PCID2: variants seen among roughly 807,000 people sequenced by gnomAD.
The protein encoded by PCID2 is PCI domain containing 2.
Under a neutral mutation model 61.3 loss-of-function variants are expected in PCID2, and 41 were observed. The observed-to-expected ratio is 0.67, with a 90% confidence interval of 0.52 to 0.87. The LOEUF is 0.87. Ranked by LOEUF, PCID2 falls within the 40% of genes least tolerant of loss-of-function variation. PCID2 has a pLI of 0.00. For missense variants in PCID2, 392 were observed against 493.4 expected (o/e 0.79, Z 1.95); for synonymous variants, 187 against 177.8 (o/e 1.05, Z -0.41).
the PCID2 span, chr13:113,170,412 G>T: frequency 6.4e-7 from 1 of 1,560,004 alleles, no homozygotes; most frequent in Non-Finnish European, 8.8e-7. Context: ...GATTTTTAAA[G>T]GTAAAGTTAA....
chr13:113,203,374 G>A (rs78715750), intron 1 of PCID2, among the ~76,000 whole-genome samples: 2 of 152,194 alleles, frequency 1.3e-5, no homozygotes, highest in African/African-American at 4.8e-5. Flanking sequence ...GGTGCAAGAC[G>A]ATTTGGGCCC....
rs758322307 is a variant in PCID2, at chr13:113,190,974, G to A, written c.365C>T (p.Ala122Val). Residue 122 changes from alanine to valine, a missense_variant and splice_region_variant, in exon 7 of 14, where the codon GCA becomes GTA. Physicochemically the swap from Ala to Val is moderately conservative, Grantham distance 64. Around this residue, in one of 3 missense-constraint regions of PCID2, gnomAD observed 155 missense variants for 164.9 expected, o/e 0.94. Transcript: ENST00000337344. Reference sequence around the variant, plus strand: ...TCCTTTCTTTACCAACTGTTGATCTGCCTAATAAAATATAAGAACTTTTAT... The same window carrying A: ...TCCTTTCTTTACCAACTGTTGATCTACCTAATAAAATATAAGAACTTTTAT... Reference protein sequence around the residue: ...ALDLRVFANNADQQLVKKGKS... With the variant: ...ALDLRVFANNVDQQLVKKGKS... 1 of 1,604,220 alleles carries A rather than the reference G, an allele frequency of 6.2e-7. No individual in the cohort carries two copies. Among genetic ancestry groups the A allele is most frequent in the South Asian group, 1.1e-5 (1 of 90,646 alleles).
chr13:113,182,391 C>T (rs1483969522), intron 9 of PCID2, among the ~76,000 whole-genome samples: 2 of 152,214 alleles, frequency 1.3e-5, no homozygotes, highest in Non-Finnish European at 2.9e-5. Flanking sequence ...TGAGAGTCTG[C>T]AATATCCCAC....
chr13:113,193,277 TA>T (rs560566712), intron 6 of PCID2, among the ~76,000 whole-genome samples: 2,690 of 146,900 alleles, frequency 0.018, 74 homozygotes, highest in African/African-American at 0.061. Context: ...CTAACCTTTT[TA>T]AAAAAAAAAA....
rs2040027359 is a variant in PCID2, at chr13:113,207,951, C to T, written c.36+648G>A. On this transcript the variant is annotated intron_variant, in intron 1 of 13. Coordinates refer to ENST00000337344, the MANE Select transcript of PCID2 (RefSeq NM_001127202.4). The stretch of plus-strand genomic sequence containing the variant: ...CCACAGTGCTGGTTCTGAAGACAGG[C>T]ATAGTTTAGTGGAAAGAATATGCGT... 3.1e-6 allele frequency: 4 copies of T among 1,297,942 alleles called. No individual in the cohort carries two copies. The African/African-American group carries it at 4.4e-5, about 14-fold the overall frequency. The allele number at this position is 1,297,942 out of a possible 1,614,324, so 80.4% of individuals were successfully genotyped here.
chr13:113,196,215 A>G lies in PCID2; in HGVS notation c.274T>C (p.Leu92=). 6.2e-7 allele frequency: 1 copy of G among 1,603,038 alleles called. No homozygotes were observed. ...KCQTVIVQSF[L]RAFQAHKEEN... ...TCTTTGTGGGCCTGGAATGCTCGCA[A>G]GAATGATGTACTGTATTAAGGAAGA... Residue 92 remains leucine (L), a synonymous_variant, in exon 5 of 14, where the codon TTG becomes CTG. Transcript: ENST00000337344.
chr13:113,165,813 G>A, the PCID2 span, among the ~76,000 whole-genome samples: 1 of 152,216 alleles, frequency 6.6e-6, no homozygotes, highest in South Asian at 2.1e-4. Context: ...TTACAGGCGT[G>A]AGCCACCACG....
At chr13:113,203,320 G>A (rs1266701603) in intron 1 of PCID2, among the ~76,000 whole-genome samples, 3 of 152,226 alleles carry the variant, frequency 2.0e-5, no homozygotes, top group Admixed American at 6.5e-5. Flanking sequence ...GCTGCTCAAC[G>A]TCACATCATA....
intron 7 of PCID2, chr13:113,186,133 A>G (rs2038091515): frequency 6.5e-6 from 1 of 153,382 alleles, no homozygotes; most frequent in Admixed American, 6.5e-5. Context: ...GCAGACACAA[A>G]AAGTACACAC....
chr13:113,167,532 T>C, the PCID2 span, among the ~76,000 whole-genome samples: 2 of 152,242 alleles, frequency 1.3e-5, no homozygotes, highest in African/African-American at 2.4e-5. Flanking sequence ...TTTGTATCCC[T>C]GGTAATATTA....
chr13:113,187,132 A>C (rs1034014296), intron 7 of PCID2: 3 of 152,210 alleles, frequency 2.0e-5, no homozygotes. Flanking sequence ...ACAAATAATA[A>C]TACTGTTCTA....
At chr13:113,171,808 C>T in the PCID2 span, 1 of 1,613,554 alleles carries the variant, frequency 6.2e-7, no homozygotes, top group Non-Finnish European at 8.5e-7. This position sits in a 1 kb window ranked among gnomAD's most constrained non-coding sequence, Gnocchi z 5.1. Context: ...TCCTCAGCGG[C>T]TGGGCACGCA....
At chr13:113,193,101 T>C (rs568885860) in intron 6 of PCID2, among the ~76,000 whole-genome samples, 1 of 152,316 alleles carries the variant, frequency 6.6e-6, no homozygotes, top group African/African-American at 2.4e-5. Flanking sequence ...TGCTTGTTGG[T>C]TACAAGCCAA....
In PCID2 at chr13:113,179,663, T is replaced by C. The variant is rs1302518474; in HGVS notation, c.986+254A>G. On this transcript the variant is annotated intron_variant, in intron 12 of 13. Coordinates refer to ENST00000337344, the MANE Select transcript of PCID2 (RefSeq NM_001127202.4). This position sits in a 1 kb window ranked among gnomAD's most constrained non-coding sequence, Gnocchi z 4.3. ...GGTACCGCGGCTCTCAGGGCTGATG[T>C]TCTCAAGTTGTCTTCTCACATAGAA... is the stretch of plus-strand genomic sequence containing the variant. 2.6e-5 allele frequency among the ~76,000 whole-genome samples: 4 copies of C among 152,154 alleles called. No individual in the cohort carries two copies. Among genetic ancestry groups the C allele is most frequent in the African/African-American group, 9.7e-5 (4 of 41,446 alleles).
intron 9 of PCID2, among the ~76,000 whole-genome samples, chr13:113,183,223 T>C (rs755630671): frequency 6.6e-6 from 1 of 152,038 alleles, no homozygotes; most frequent in Non-Finnish European, 1.5e-5. Context: ...AACGAAAGGG[T>C]TGGATGATAC....
chr13:113,195,250 C>CT (rs2038928111), intron 5 of PCID2, 125 bp from the exon 6 acceptor site: 4 of 697,910 alleles, frequency 5.7e-6, no homozygotes, highest in East Asian at 2.5e-5. Flanking sequence ...ATCCAAAACT[C>CT]TGACAGTTGT....
chr13:113,196,535 T>C (rs933440713), intron 4 of PCID2, among the ~76,000 whole-genome samples: 1 of 152,192 alleles, frequency 6.6e-6, no homozygotes, highest in African/African-American at 2.4e-5. Flanking sequence ...TGATCATGAG[T>C]TATATTTAAG....
the PCID2 span, among the ~76,000 whole-genome samples, chr13:113,170,224 C>G: frequency 6.9e-6 from 1 of 144,880 alleles, no homozygotes; most frequent in Admixed American, 7.6e-5. Flanking sequence ...AAAGCTTAGA[C>G]TGTCAACAAT....
intron 4 of PCID2, among the ~76,000 whole-genome samples, chr13:113,196,479 A>T (rs900769183): frequency 6.6e-6 from 1 of 152,360 alleles, no homozygotes; most frequent in Non-Finnish European, 1.5e-5. Context: ...AAGATTTTTT[A>T]AAATCAGCCC....
Sources: allele counts gnomAD v4.1 joint callset (sites outside exome capture counted in the v4.1 genomes callset), GRCh38; gene constraint gnomAD v4.1.1; regional missense constraint gnomAD v4.1.1; non-coding constraint Gnocchi (gnomAD v3.1); transcripts MANE v1.5; gene names NCBI Gene and HGNC (gene_info 2026-07-23, HGNC 2026-07-21).